PHF2: variants seen among roughly 807,000 people sequenced by gnomAD.
PHF2 encodes the protein lysine-specific demethylase PHF2.
In PHF2, 27 loss-of-function variants were observed where a neutral mutation model predicts 120.5. The observed-to-expected ratio is 0.22, with a 90% CI of 0.17 to 0.31. PHF2 has a LOEUF of 0.31. PHF2 is among the 10% of genes least tolerant of loss of function. PHF2 has a pLI of 1.00. For missense variants in PHF2, 1,024 were observed against 1,434.8 expected (o/e 0.71, Z 4.63); for synonymous variants, 568 against 592.5 (o/e 0.96, Z 0.60).
At chr9:93,582,715 C>T (rs1862954877) in intron 1 of PHF2, among the ~76,000 whole-genome samples, 1 of 152,176 alleles carries the variant, frequency 6.6e-6, no homozygotes, top group Non-Finnish European at 1.5e-5. Flanking sequence ...TGGTTTGGAT[C>T]TCAAAGCATA....
At chr9:93,670,952 G>T (rs972279376) in intron 17 of PHF2, 55 of 957,424 alleles carry the variant, frequency 5.7e-5, no homozygotes, top group Middle Eastern at 1.1e-3. Context: ...TGCCAGAAGT[G>T]GGTGAACTTG....
At chr9:93,582,883 G>C (rs938987238) in intron 1 of PHF2, among the ~76,000 whole-genome samples, 1 of 152,176 alleles carries the variant, frequency 6.6e-6, no homozygotes, top group East Asian at 1.9e-4. Context: ...ATGGGGAAAC[G>C]AGCCTTTTAC....
In PHF2 at chr9:93,591,802, A is replaced by G. The variant is rs370467167; in HGVS notation, c.98+14931A>G. ...GGAGTCAGAGGAAGAAGCCCGAGAG[A>G]GCATCTGTCAAGAGCCCAGTGCCCC... is the stretch of plus-strand genomic sequence containing the variant. On this transcript the variant is annotated intron_variant, in intron 1 of 21. Transcript: ENST00000359246. 2.5e-4 allele frequency among the ~76,000 whole-genome samples: 38 copies of G among 152,212 alleles called. No individual in the cohort carries two copies. The East Asian group carries it at 3.7e-3, about 15-fold the overall frequency.
At chr9:93,612,292 C>G (rs1232656831) in intron 1 of PHF2, among the ~76,000 whole-genome samples, 1 of 151,248 alleles carries the variant, frequency 6.6e-6, no homozygotes, top group African/African-American at 2.4e-5. Flanking sequence ...TCTAAAATAC[C>G]AACAGCTCCT....
intron 1 of PHF2, among the ~76,000 whole-genome samples, chr9:93,609,711 AT>A (rs923263130): frequency 3.3e-5 from 5 of 150,606 alleles, no homozygotes; most frequent in African/African-American, 9.8e-5. Flanking sequence ...TTATTTTCTT[AT>A]TTTTTTTCGA....
At chr9:93,597,561 C>A (rs998082454) in intron 1 of PHF2, among the ~76,000 whole-genome samples, 1 of 152,178 alleles carries the variant, frequency 6.6e-6, no homozygotes, top group South Asian at 2.1e-4. Flanking sequence ...TGGGGGCAGG[C>A]AGTGGGACAT....
At position 93,654,562 on chromosome 9, in the gene PHF2, C is replaced by A. The variant is rs1328778126; in HGVS notation, c.939C>A (p.Leu313=). Residue 313 remains leucine (L), a synonymous_variant, in exon 7 of 22, where the codon CTC becomes CTA. Coordinates refer to ENST00000359246, the MANE Select transcript of PHF2 (RefSeq NM_005392.4). ...GCATCGTCAAGCAGGGCCAGACCCTCTTCATCCCCTCAGGTGAGTGCGGGC... is the reference window on the plus strand; with the variant it reads ...GCATCGTCAAGCAGGGCCAGACCCTATTCATCCCCTCAGGTGAGTGCGGGC... ...YKCIVKQGQT[L]FIPSGWIYAT... 1 of 1,613,622 alleles carries A rather than the reference C, an allele frequency of 6.2e-7. No individual in the cohort carries two copies. The highest frequency in any genetic ancestry group is 8.5e-7 in the Non-Finnish European group (1 of 1,180,006).
chr9:93,617,086 C>T (rs767068743), intron 1 of PHF2, among the ~76,000 whole-genome samples: 3 of 152,172 alleles, frequency 2.0e-5, no homozygotes, highest in Non-Finnish European at 4.4e-5. Flanking sequence ...CCAGGCTTGG[C>T]ATGGTCTGGA....
chr9:93,627,139 G>A (rs1362107650), intron 1 of PHF2, among the ~76,000 whole-genome samples: 1 of 152,130 alleles, frequency 6.6e-6, no homozygotes, highest in Non-Finnish European at 1.5e-5. Context: ...CATCCACATG[G>A]AATATATTTC....
chr9:93,591,805 A>G (rs1480675539), intron 1 of PHF2, among the ~76,000 whole-genome samples: 1 of 152,162 alleles, frequency 6.6e-6, no homozygotes, highest in African/African-American at 2.4e-5. Context: ...CCGAGAGAGC[A>G]TCTGTCAAGA....
rs1052374597 is a variant in PHF2 at position 93,656,061 on chromosome 9, G to T, written c.1040+40G>T. 1.3e-6 allele frequency: 2 copies of T among 1,545,076 alleles called. No homozygotes were observed. The highest frequency in any genetic ancestry group is 1.8e-5 in the Admixed American group (1 of 56,738). On this transcript the variant is annotated intron_variant, in intron 8 of 21. Coordinates refer to ENST00000359246, the MANE Select transcript of PHF2 (RefSeq NM_005392.4). This position sits in a 1 kb window ranked among gnomAD's most constrained non-coding sequence, Gnocchi z 4.1. ...GCTGTCTGCCCTCGGGCTCCGCAGA[G>T]CAGCGTCCTCCCTCTAGCTGGGTCG...
At chr9:93,616,802 G>A (rs1564382516) in intron 1 of PHF2, among the ~76,000 whole-genome samples, 1 of 151,996 alleles carries the variant, frequency 6.6e-6, no homozygotes. Flanking sequence ...GATTATAGGC[G>A]TGTGCCACTA....
chr9:93,652,517 A>G (rs1826386302), intron 5 of PHF2, among the ~76,000 whole-genome samples: 1 of 151,744 alleles, frequency 6.6e-6, no homozygotes, highest in Non-Finnish European at 1.5e-5. Context: ...GGTTTCAAAC[A>G]CCTGAGTTCG....
chr9:93,596,990 G>A (rs1275586594), intron 1 of PHF2, among the ~76,000 whole-genome samples: 2 of 143,416 alleles, frequency 1.4e-5, no homozygotes, highest in African/African-American at 5.2e-5. Flanking sequence ...GAGTGCAGTG[G>A]CACGATCTCG....
chr9:93,665,604 C>G, intron 14 of PHF2, 82 bp from the exon 15 acceptor site: 7 of 1,475,858 alleles, frequency 4.7e-6, no homozygotes, highest in Non-Finnish European at 5.5e-6. Flanking sequence ...GCGGCCCTGG[C>G]AGAGGACCCC....
chr9:93,617,247 A>T (rs1426327053), intron 1 of PHF2, among the ~76,000 whole-genome samples: 6 of 152,200 alleles, frequency 3.9e-5, no homozygotes, highest in Admixed American at 3.3e-4. Context: ...TGTAGCCTGC[A>T]GCAGGGCCGC....
At chr9:93,666,112 C>A in intron 16 of PHF2, 52 bp downstream of exon 16, 1 of 1,576,082 alleles carries the variant, frequency 6.3e-7, no homozygotes, top group South Asian at 1.1e-5. Context: ...TCTGGGCAGT[C>A]CCCAAGGCCA....
intron 17 of PHF2, among the ~76,000 whole-genome samples, chr9:93,670,718 C>T (rs1447414693): frequency 1.3e-5 from 2 of 152,222 alleles, no homozygotes; most frequent in Non-Finnish European, 2.9e-5. Context: ...CATTTCACCA[C>T]TCTGTGAGCC....
intron 1 of PHF2, among the ~76,000 whole-genome samples, chr9:93,618,844 GTGTGCCTGTGTGTGGTGTTC>G (rs1825772980): frequency 0.026 from 44 of 1,678 alleles, no homozygotes; most frequent in Non-Finnish European, 0.039. Flanking sequence ...TGGTGTGTGT[GTGTGCCTGTGTGTGGTGTTC>G]GTGTGTCTCT....
Sources: gnomAD v4.1 joint callset for allele counts (sites outside exome capture counted in the v4.1 genomes callset) on GRCh38, gnomAD v4.1.1 for gene constraint, Gnocchi (gnomAD v3.1) non-coding constraint, MANE v1.5 for transcripts, NCBI Gene and HGNC (gene_info 2026-07-23, HGNC 2026-07-21) for gene names.